NID2: variants seen among roughly 807,000 people sequenced by gnomAD.
NID2 encodes nidogen 2.
NID2 carries 83 observed loss-of-function variants against 145.4 expected under a neutral mutation model. That is an observed-to-expected ratio of 0.57 (90% confidence interval 0.48 to 0.69). The LOEUF (loss-of-function observed/expected upper bound fraction) is 0.69. NID2 is among the 30% of genes least tolerant of loss of function. The pLI is 0.00. For missense variants in NID2, 1,807 were observed against 1,765.7 expected, an observed-to-expected ratio of 1.02 and a Z score of -0.42; for synonymous variants, 739 against 701.3, an observed-to-expected ratio of 1.05 and a Z score of -0.85.
chr14:52,039,257 G>A (rs1163101372), intron 8 of NID2, among the ~76,000 whole-genome samples: 2 of 152,164 alleles, frequency 1.3e-5, no homozygotes, highest in African/African-American at 2.4e-5. Flanking sequence ...TCTACATACT[G>A]CCTCATTTAT....
At chr14:52,052,720 A>C (rs973019477) in intron 5 of NID2, among the ~76,000 whole-genome samples, 1 of 152,162 alleles carries the variant, frequency 6.6e-6, no homozygotes, top group Non-Finnish European at 1.5e-5. Flanking sequence ...AGGTGGAAAA[A>C]CATGGAGATT....
Position 52,004,972 on chromosome 14 carries a change from A to G in NID2, c.*514T>C, listed in dbSNP as rs1004558845. 1.9e-5 allele frequency: 3 copies of G among 157,796 alleles called. No homozygotes were observed. Among genetic ancestry groups the G allele is most frequent in the Admixed American group, 6.4e-5 (1 of 15,572 alleles). 9.8% of individuals were successfully genotyped at this position (157,796 alleles called of 1,614,324 possible). A position where few individuals can be genotyped will look rare whatever the true frequency, so the allele number is the denominator to read the frequency against. On this transcript the variant is annotated 3_prime_UTR_variant, in exon 22 of 22. Transcript: ENST00000216286. ...TTTTAGCACCTTTTGATATAAATAG[A>G]AATGCACTGATGCAGAGGTAAAAAA...
At chr14:52,032,732 A>G (rs1190714467) in intron 9 of NID2, among the ~76,000 whole-genome samples, 2 of 151,954 alleles carry the variant, frequency 1.3e-5, no homozygotes, top group East Asian at 3.9e-4. Flanking sequence ...AAATTTCACC[A>G]TGGCACATTC....
rs568007974 is a variant in NID2, at chr14:52,060,776, A to ATCAT, written c.535-424_535-421dup. 5.6e-3 allele frequency among the ~76,000 whole-genome samples: 849 copies of ATCAT among 152,284 alleles called. 27 individuals carry two copies. The highest frequency in any genetic ancestry group is 0.05 in the Admixed American group (764 of 15,290). On this transcript the variant is annotated intron_variant, in intron 2 of 21. Transcript: ENST00000216286. ...TAGGCACTCAGCATCTCTCATTTGCATCATTCATTCATTCATTCATTCATC... is the reference window on the plus strand; with the variant it reads ...TAGGCACTCAGCATCTCTCATTTGCATCATTCATTCATTCATTCATTCATTCATC...
chr14:52,052,769 C>T (rs918834208), intron 5 of NID2, among the ~76,000 whole-genome samples: 1 of 152,190 alleles, frequency 6.6e-6, no homozygotes, highest in Non-Finnish European at 1.5e-5. Context: ...TTCTTCCTAT[C>T]AGAGGTCAGA....
chr14:52,012,454 T>C (rs1000784927), intron 16 of NID2, among the ~76,000 whole-genome samples: 1 of 151,880 alleles, frequency 6.6e-6, no homozygotes, highest in African/African-American at 2.4e-5. Context: ...ATAAATGAAC[T>C]GGGCATGGTG....
intron 3 of NID2, among the ~76,000 whole-genome samples, chr14:52,054,700 C>A (rs1225658089): frequency 6.6e-6 from 1 of 152,116 alleles, no homozygotes; most frequent in East Asian, 1.9e-4. Flanking sequence ...CAGAGTGAGA[C>A]CCTGTCTCAA....
intron 9 of NID2, among the ~76,000 whole-genome samples, chr14:52,037,002 A>C (rs1892096643): frequency 6.6e-6 from 1 of 152,200 alleles, no homozygotes; most frequent in Admixed American, 6.5e-5. Flanking sequence ...CACCCAGTTT[A>C]TTTTGCTGTT....
intron 9 of NID2, among the ~76,000 whole-genome samples, chr14:52,034,958 T>C (rs1429427242): frequency 6.6e-6 from 1 of 152,200 alleles, no homozygotes; most frequent in African/African-American, 2.4e-5. Context: ...CATTTTTTAA[T>C]AATTAAGACC....
intron 5 of NID2, among the ~76,000 whole-genome samples, chr14:52,047,892 G>C (rs1463004252): frequency 2.0e-5 from 3 of 152,154 alleles, no homozygotes; most frequent in Non-Finnish European, 4.4e-5. Context: ...GTGGATTCCA[G>C]AGACCACTGC....
In NID2 at chr14:52,027,195, A is replaced by G. The variant is rs1891616118; in HGVS notation, c.2674+6T>C. On this transcript the variant is annotated splice_donor_region_variant and intron_variant, in intron 12 of 21. Coordinates refer to ENST00000216286, the MANE Select transcript of NID2 (RefSeq NM_007361.4). ...CAGTCATTGAGGCTGACCTGCAGTT[A>G]CTCACCAGTGCACTGGTGCCCATCG... is the stretch of plus-strand genomic sequence containing the variant. 2.7e-6 allele frequency: 4 copies of G among 1,492,114 alleles called. No homozygotes were observed. In the South Asian group the frequency reaches 5.4e-5, roughly 20 times the overall value. 92.4% of individuals were successfully genotyped at this position (1,492,114 alleles called of 1,614,324 possible).
chr14:52,067,968 C>T lies in NID2; in HGVS notation c.424G>A (p.Ala142Thr). Residue 142 changes from alanine to threonine, a missense_variant, in exon 2 of 22, where the codon GCT becomes ACT. Coordinates refer to ENST00000216286, the MANE Select transcript of NID2 (RefSeq NM_007361.4). ...AAGCGCGCAGAGCGCGGGAAGCCAG[C>T]GCGCACATAGCGGGCGGCCAGGCCC... ...VLGLAARYVR[A>T]GFPRSARFTP... The T allele has an allele frequency of 2.5e-6, 4 of 1,611,032 alleles. No homozygotes were observed. Among genetic ancestry groups the T allele is most frequent in the Non-Finnish European group, 2.5e-6 (3 of 1,178,826 alleles).
chr14:52,012,043 TAA>T (rs3030364), intron 16 of NID2: 123 of 148,580 alleles, frequency 8.3e-4, no homozygotes, highest in Middle Eastern at 3.3e-3. Context: ...ACTGATGATT[TAA>T]AAAAAAAAAA....
chr14:52,041,040 G>A (rs1363116399), intron 7 of NID2, among the ~76,000 whole-genome samples, 189 bp from the exon 8 acceptor site: 1 of 152,100 alleles, frequency 6.6e-6, no homozygotes, highest in Non-Finnish European at 1.5e-5. Flanking sequence ...TGAAGAATAT[G>A]GTTTCATCCT....
At chr14:52,050,854 GACTA>G (rs1260826721) in intron 5 of NID2, among the ~76,000 whole-genome samples, 1 of 152,178 alleles carries the variant, frequency 6.6e-6, no homozygotes, top group Non-Finnish European at 1.5e-5. Context: ...CAATTCTGAG[GACTA>G]ACTGTGATAA....
chr14:52,052,928 T>G (rs1343697707), intron 5 of NID2, among the ~76,000 whole-genome samples: 1 of 152,194 alleles, frequency 6.6e-6, no homozygotes, highest in Admixed American at 6.5e-5. Flanking sequence ...AACCACCGCC[T>G]GCTTTCGCCA....
chr14:52,011,584 C>G lies in NID2; in HGVS notation c.3520G>C (p.Gly1174Arg). The G allele has an allele frequency of 6.2e-7, 1 of 1,614,208 alleles. No individual in the cohort carries two copies. The highest frequency in any genetic ancestry group is 8.5e-7 in the Non-Finnish European group (1 of 1,180,034). ...RTISRAGLEL[G>R]AEPETIVNSG... ...TTCACGATCGTCTCAGGCTCTGCTC[C>G]CAGTTCCAGACCAGCACGGCTGATT... The change falls in exon 17 of 22, where the codon GGA becomes CGA. Residue 1174 changes from glycine to arginine, a missense_variant. Physicochemically the swap from Gly to Arg is moderately radical, Grantham distance 125. Coordinates refer to ENST00000216286, the MANE Select transcript of NID2 (RefSeq NM_007361.4).
At position 52,011,490 on chromosome 14, in the gene NID2, G is replaced by T. The variant is rs549765571; in HGVS notation, c.3550+64C>A. On this transcript the variant is annotated intron_variant, in intron 17 of 21. Coordinates refer to ENST00000216286, the MANE Select transcript of NID2 (RefSeq NM_007361.4). Reference sequence around the variant, plus strand: ...AGAAAAATCGAGGGGAGACTTCGGCGTAAAGTAGACAAGTGACTTTGTAGA... The same window carrying T: ...AGAAAAATCGAGGGGAGACTTCGGCTTAAAGTAGACAAGTGACTTTGTAGA... 14 of 1,603,218 alleles carry T rather than the reference G, an allele frequency of 8.7e-6. No homozygotes were observed. The South Asian group carries it at 1.5e-4, about 18-fold the overall frequency.
intron 9 of NID2, among the ~76,000 whole-genome samples, chr14:52,031,085 C>G (rs957074055): frequency 3.3e-5 from 5 of 152,190 alleles, no homozygotes; most frequent in African/African-American, 1.2e-4. Flanking sequence ...GGTTCCATAG[C>G]TCATGCTTTC....
Sources: allele counts gnomAD v4.1 joint callset (sites outside exome capture counted in the v4.1 genomes callset), GRCh38; gene constraint gnomAD v4.1.1; transcripts MANE v1.5; gene names NCBI Gene and HGNC (gene_info 2026-07-23, HGNC 2026-07-21).